The following FAM20C variants were observed in gnomAD, a reference collection of about 807,000 sequenced individuals.
The protein encoded by FAM20C is FAM20C golgi associated secretory pathway kinase.
A neutral mutation model predicts 51.5 loss-of-function variants in FAM20C; 40 were observed. The ratio of observed to expected loss-of-function variants is 0.78; its 90% CI spans 0.60 to 1.01. The LOEUF (loss-of-function observed/expected upper bound fraction) is 1.01. Among genes scored for constraint, FAM20C ranks in the 50% least tolerant of loss-of-function variants. The pLI is 0.00. For missense variants in FAM20C, 861 were observed against 844.7 expected (o/e 1.02, Z -0.24); for synonymous variants, 406 against 380.6 (o/e 1.07, Z -0.78).
chr7:199,484 C>T (rs373531064), intron 2 of FAM20C, among the ~76,000 whole-genome samples: 1 of 152,262 alleles, frequency 6.6e-6, no homozygotes, highest in Non-Finnish European at 1.5e-5. Flanking sequence ...TGTCCGGCCC[C>T]TGGGTGCTCA....
chr7:230,942 C>T (rs1787647549), intron 3 of FAM20C, among the ~76,000 whole-genome samples: 2 of 152,132 alleles, frequency 1.3e-5, no homozygotes, highest in South Asian at 4.1e-4. Flanking sequence ...GCTGCTGGAC[C>T]CCGGTGGGTC....
chr7:224,349 ACGGAGCAGAACGGCAC>A (rs1417440874), intron 3 of FAM20C, among the ~76,000 whole-genome samples: 4 of 27,454 alleles, frequency 1.5e-4, no homozygotes, highest in Admixed American at 2.5e-4. Context: ...GCCTTCTCTC[ACGGAGCAGAACGGCAC>A]TGTCACGGGG....
chr7:230,639 C>G (rs1415993791), intron 3 of FAM20C, among the ~76,000 whole-genome samples: 1 of 152,110 alleles, frequency 6.6e-6, no homozygotes, highest in Non-Finnish European at 1.5e-5. Flanking sequence ...AAACGCCTGC[C>G]CCATAGAGCC....
chr7:234,280 C>A (rs1424711688), intron 3 of FAM20C, among the ~76,000 whole-genome samples: 3 of 152,264 alleles, frequency 2.0e-5, no homozygotes, highest in Admixed American at 2.0e-4. Flanking sequence ...GGCCTCTTTC[C>A]TCAGCTGGGC....
chr7:207,058 G>C lies in FAM20C; in HGVS notation c.785-1840G>C, dbSNP rs868677232. Among the ~76,000 whole-genome samples the C allele has an allele frequency of 7.4e-5, 3 of 40,318 alleles. 1 individual carries two copies. Among genetic ancestry groups the C allele is most frequent in the Admixed American group, 2.2e-4 (1 of 4,582 alleles). 26.5% of individuals were successfully genotyped at this position (40,318 alleles called of 152,430 possible). The stretch of plus-strand genomic sequence containing the variant: ...GTGACGCGTCGGTCACTGTCCCCTC[G>C]GCCCTGCACACGTATCCACTGTGAC... On this transcript the variant is annotated intron_variant, in intron 2 of 9. Coordinates refer to ENST00000313766, the MANE Select transcript of FAM20C (RefSeq NM_020223.4).
At chr7:222,439 C>G (rs1217109629) in intron 3 of FAM20C, among the ~76,000 whole-genome samples, 1 of 152,114 alleles carries the variant, frequency 6.6e-6, no homozygotes, top group Non-Finnish European at 1.5e-5. Context: ...GTGGATTGCC[C>G]TGGCACAGGC....
intron 3 of FAM20C, among the ~76,000 whole-genome samples, chr7:234,651 A>T (rs1033322498): frequency 3.3e-5 from 5 of 152,170 alleles, no homozygotes; most frequent in Non-Finnish European, 7.4e-5. Context: ...GTCTGCCCTC[A>T]GCATGTGGCT....
Position 249,976 on chromosome 7 carries a change from C to A in FAM20C, c.1072+1546C>A, listed in dbSNP as rs529673283. On this transcript the variant is annotated intron_variant, in intron 5 of 9. Coordinates refer to ENST00000313766, the MANE Select transcript of FAM20C (RefSeq NM_020223.4). ...GGTGGGCCCTGCAGAATGAAGGGAC[C>A]CTCACCCCAGGAAACCCTGCAGAGC... Among the ~76,000 whole-genome samples, 5 of 152,212 alleles carry A rather than the reference C, an allele frequency of 3.3e-5. No individual in the cohort carries two copies. In the South Asian group the frequency reaches 1.0e-3, roughly 32 times the overall value.
intron 3 of FAM20C, among the ~76,000 whole-genome samples, chr7:212,648 C>T (rs764848222): frequency 5.3e-5 from 8 of 150,820 alleles, no homozygotes; most frequent in South Asian, 2.1e-4. Flanking sequence ...TGCTGCACAG[C>T]GTGTGGGGGG....
chr7:237,205 A>C (rs899662223), intron 3 of FAM20C, among the ~76,000 whole-genome samples: 2 of 152,242 alleles, frequency 1.3e-5, no homozygotes, highest in East Asian at 3.8e-4. Context: ...TGCTAGAATC[A>C]GATTGGCCTC....
At position 257,277 on chromosome 7, in the gene FAM20C, G is replaced by A. The variant is rs144910125; in HGVS notation, c.1445+191G>A. The A allele has an allele frequency of 2.4e-3, 1,428 of 606,368 alleles. 5 individuals are homozygous for A. The highest frequency in any genetic ancestry group is 3.2e-3 in the Non-Finnish European group (1,113 of 345,840). The allele number at this position is 606,368 out of a possible 1,614,324, so 37.6% of individuals were successfully genotyped here. A position where few individuals can be genotyped will look rare whatever the true frequency, so the allele number is the denominator to read the frequency against. On this transcript the variant is annotated intron_variant, in intron 8 of 9. Coordinates refer to ENST00000313766, the MANE Select transcript of FAM20C (RefSeq NM_020223.4). ...CCCAACCAGGAGGGAGGGCCGCCCC[G>A]GGAGTGGGACCTCCGAGGCACAGGA...
chr7:207,484 G>A (rs543019368), intron 2 of FAM20C, among the ~76,000 whole-genome samples: 8 of 152,018 alleles, frequency 5.3e-5, no homozygotes, highest in Admixed American at 1.3e-4. Flanking sequence ...CCTGCCCCTC[G>A]CTCCGAGAGC....
intron 2 of FAM20C, among the ~76,000 whole-genome samples, chr7:207,763 C>T (rs2115064309): frequency 6.6e-6 from 1 of 152,354 alleles, no homozygotes; most frequent in South Asian, 2.1e-4. Context: ...GTGACAATCT[C>T]CCATCTCGGG....
At chr7:235,324 C>G (rs1005954011) in intron 3 of FAM20C, among the ~76,000 whole-genome samples, 4 of 152,124 alleles carry the variant, frequency 2.6e-5, no homozygotes, top group Admixed American at 2.0e-4. Context: ...GCCGGACGCA[C>G]GTGGACTGCC....
intron 3 of FAM20C, among the ~76,000 whole-genome samples, chr7:209,575 AAC>A (rs1435443187): frequency 6.6e-6 from 1 of 152,172 alleles, no homozygotes; most frequent in Non-Finnish European, 1.5e-5. Context: ...CAAAACCGAT[AAC>A]ACAGCGCTCC....
At chr7:197,546 T>C (rs780850643) in intron 2 of FAM20C, 1 of 166,210 alleles carries the variant, frequency 6.0e-6, no homozygotes, top group Non-Finnish European at 1.5e-5. Flanking sequence ...GGGATCTCGC[T>C]GCGTGGGACC....
At chr7:212,829 C>T (rs537223107) in intron 3 of FAM20C, among the ~76,000 whole-genome samples, 3 of 152,274 alleles carry the variant, frequency 2.0e-5, no homozygotes, top group Non-Finnish European at 2.9e-5. Context: ...ACAAGCCATG[C>T]GATTCACCCA....
At chr7:244,986 A>C (rs919672057) in intron 3 of FAM20C, among the ~76,000 whole-genome samples, 7 of 152,180 alleles carry the variant, frequency 4.6e-5, no homozygotes, top group African/African-American at 1.7e-4. Context: ...CTGGTGTGTA[A>C]TTGACGGCCT....
intron 2 of FAM20C, among the ~76,000 whole-genome samples, chr7:199,276 G>T (rs879308032): frequency 6.6e-6 from 1 of 152,246 alleles, no homozygotes; most frequent in East Asian, 1.9e-4. Context: ...GGCCCTTGGC[G>T]TGGCCAAGCC....
Sources: gnomAD v4.1 joint callset for allele counts (sites outside exome capture counted in the v4.1 genomes callset) on GRCh38, gnomAD v4.1.1 for gene constraint, MANE v1.5 for transcripts, NCBI Gene and HGNC (gene_info 2026-07-23, HGNC 2026-07-21) for gene names.